UBE2QL1: variants seen among roughly 807,000 people sequenced by gnomAD.
The protein encoded by UBE2QL1 is ubiquitin conjugating enzyme E2 QL1.
UBE2QL1 carries 5 observed loss-of-function variants against 12.6 expected under a neutral mutation model. That is an observed-to-expected ratio of 0.40 (90% CI 0.21 to 0.83). The LOEUF (loss-of-function observed/expected upper bound fraction) is 0.83, where lower values mean the gene tolerates loss of function less well. Among genes scored for constraint, UBE2QL1 ranks in the 40% least tolerant of loss-of-function variants. The probability of loss-of-function intolerance (pLI) is 0.37; values close to 1 mark genes in which losing one functional copy is unlikely to be tolerated. For missense variants in UBE2QL1, 99 were observed against 222.6 expected, an observed-to-expected ratio of 0.44 and a Z score of 3.53; for synonymous variants, 96 against 94.5, an observed-to-expected ratio of 1.02 and a Z score of -0.10.
chr5:6,489,950 T>G (rs1276650631), intron 1 of UBE2QL1, among the ~76,000 whole-genome samples: 1 of 152,250 alleles, frequency 6.6e-6, no homozygotes, highest in Non-Finnish European at 1.5e-5. Context: ...GCAGAGGGTC[T>G]GTTCAGAGAG....
At chr5:6,483,748 C>T (rs181058945) in intron 1 of UBE2QL1, among the ~76,000 whole-genome samples, 139 of 152,216 alleles carry the variant, frequency 9.1e-4, no homozygotes, top group African/African-American at 3.2e-3. Flanking sequence ...GGAGGAGAGT[C>T]GTCATTTCCA....
At chr5:6,475,113 T>C (rs73036272) in intron 1 of UBE2QL1, among the ~76,000 whole-genome samples, 2,736 of 152,334 alleles carry the variant, frequency 0.018, 89 homozygotes, top group African/African-American at 0.062. Context: ...TCTTTAGCTA[T>C]TATGATTCTT....
At position 6,476,677 on chromosome 5, in the gene UBE2QL1, G is replaced by T. The variant is rs1434972855; in HGVS notation, c.355-14541G>T. Among the ~76,000 whole-genome samples, 1 of 152,176 alleles carries T rather than the reference G, an allele frequency of 6.6e-6. No individual in the cohort carries two copies. The highest frequency in any genetic ancestry group is 1.5e-5 in the Non-Finnish European group (1 of 68,024). ...TCTGCGAATGCATGGCAGGTTTGGG[G>T]CAGTACCTTTTGGTTCCTTTCATTG... On this transcript the variant is annotated intron_variant, in intron 1 of 1. Transcript: ENST00000399816. This position sits in a 1 kb window ranked among gnomAD's most constrained non-coding sequence, Gnocchi z 4.9.
At chr5:6,458,629 G>T (rs11956090) in intron 1 of UBE2QL1, among the ~76,000 whole-genome samples, 1,667 of 152,204 alleles carry the variant, frequency 0.011, 26 homozygotes, top group African/African-American at 0.038. Context: ...GTCAGGAATT[G>T]GATATAACTA....
intron 1 of UBE2QL1, among the ~76,000 whole-genome samples, chr5:6,471,511 C>T (rs1322115901): frequency 3.3e-5 from 5 of 152,212 alleles, no homozygotes; most frequent in Non-Finnish European, 4.4e-5. Flanking sequence ...ATGGGCCTCT[C>T]CATGGGGCAG....
Position 6,449,241 on chromosome 5 carries a change from G to A in UBE2QL1, c.348G>A (p.Lys116=), listed in dbSNP as rs1002962627. Reference sequence around the variant, plus strand: ...GCCAGTTCGCAGCCAGCCTGGTCAAGGGCCAGGTAAGGCGAGCGCGCCGGG... The same window carrying A: ...GCCAGTTCGCAGCCAGCCTGGTCAAAGGCCAGGTAAGGCGAGCGCGCCGGG... ...VMRQFAASLV[K]GQGRICRKAG... Residue 116 remains lysine (K), a synonymous_variant, in exon 1 of 2, where the codon AAG becomes AAA. Coordinates refer to ENST00000399816, the MANE Select transcript of UBE2QL1 (RefSeq NM_001145161.3). 29 of 1,424,480 alleles carry A rather than the reference G, an allele frequency of 2.0e-5. No individual in the cohort carries two copies. In the Admixed American group the frequency reaches 3.1e-4, roughly 15 times the overall value. 88.2% of individuals were successfully genotyped at this position (1,424,480 alleles called of 1,614,324 possible).
At chr5:6,452,173 TG>T (rs1335261802) in intron 1 of UBE2QL1, among the ~76,000 whole-genome samples, 7 of 152,212 alleles carry the variant, frequency 4.6e-5, no homozygotes, top group African/African-American at 1.4e-4. Context: ...AAGAGTTTTG[TG>T]TGTAACATAA....
intron 1 of UBE2QL1, among the ~76,000 whole-genome samples, chr5:6,477,151 C>T (rs1489770132): frequency 2.0e-5 from 3 of 152,230 alleles, no homozygotes; most frequent in Non-Finnish European, 2.9e-5. Flanking sequence ...TCAAACAGCC[C>T]ACCTTGTGTG....
At chr5:6,469,621 AATGT>A in intron 1 of UBE2QL1, among the ~76,000 whole-genome samples, 1 of 150,306 alleles carries the variant, frequency 6.7e-6, no homozygotes, top group East Asian at 1.9e-4. Context: ...GTAAAATGAA[AATGT>A]ATGTTTAAAG....
intron 1 of UBE2QL1, among the ~76,000 whole-genome samples, chr5:6,449,523 T>C (rs1011714822): frequency 2.6e-5 from 4 of 151,808 alleles, no homozygotes; most frequent in Non-Finnish European, 5.9e-5. Flanking sequence ...GCCGTCTCTC[T>C]GGTCTCTCTA....
chr5:6,488,961 A>C (rs1734516235), intron 1 of UBE2QL1, among the ~76,000 whole-genome samples: 1 of 152,248 alleles, frequency 6.6e-6, no homozygotes, highest in East Asian at 1.9e-4. Flanking sequence ...TTTATCAAGC[A>C]TAATTACATC....
intron 1 of UBE2QL1, among the ~76,000 whole-genome samples, chr5:6,449,518 C>G (rs1331679075): frequency 6.6e-6 from 1 of 151,560 alleles, no homozygotes; most frequent in East Asian, 1.9e-4. Context: ...TCTCTGCCGT[C>G]TCTCTGGTCT....
At chr5:6,469,504 T>A (rs1021579340) in intron 1 of UBE2QL1, among the ~76,000 whole-genome samples, 27 of 148,042 alleles carry the variant, frequency 1.8e-4, no homozygotes, top group South Asian at 1.3e-3. Flanking sequence ...TATATATTTT[T>A]TATATATATG....
intron 1 of UBE2QL1, among the ~76,000 whole-genome samples, chr5:6,475,596 C>T (rs949523745): frequency 2.7e-5 from 4 of 150,880 alleles, no homozygotes; most frequent in Non-Finnish European, 4.4e-5. Flanking sequence ...ATTTGTAGCA[C>T]ACTGCTGGGT....
intron 1 of UBE2QL1, among the ~76,000 whole-genome samples, chr5:6,459,256 TAAAG>T (rs989742240): frequency 2.0e-5 from 3 of 152,174 alleles, no homozygotes; most frequent in Non-Finnish European, 2.9e-5. Flanking sequence ...TCACAACACT[TAAAG>T]GACATTACCG....
At chr5:6,456,079 G>A (rs987359635) in intron 1 of UBE2QL1, among the ~76,000 whole-genome samples, 1 of 152,168 alleles carries the variant, frequency 6.6e-6, no homozygotes, top group African/African-American at 2.4e-5. Context: ...CGGGAATCGA[G>A]TGCCTCCCGT....
Position 6,467,310 on chromosome 5 carries a change from C to T in UBE2QL1, c.354+18063C>T, listed in dbSNP as rs575291145. Among the ~76,000 whole-genome samples, 21 of 152,188 alleles carry T rather than the reference C, an allele frequency of 1.4e-4. No homozygotes were observed. In the South Asian group the frequency reaches 1.4e-3, roughly 11 times the overall value. ...AGTCCCCACAGGCTGGGGGCTTCAA[C>T]GACAGAAATGCATTCTCTCGCAGAC... is the stretch of plus-strand genomic sequence containing the variant. On this transcript the variant is annotated intron_variant, in intron 1 of 1. Coordinates refer to ENST00000399816, the MANE Select transcript of UBE2QL1 (RefSeq NM_001145161.3).
intron 1 of UBE2QL1, among the ~76,000 whole-genome samples, chr5:6,465,136 G>C (rs568032428): frequency 6.6e-6 from 1 of 151,886 alleles, no homozygotes; most frequent in Non-Finnish European, 1.5e-5. Flanking sequence ...ACAGGTGTGC[G>C]CCACCATGCA....
chr5:6,466,573 G>A (rs892339081), intron 1 of UBE2QL1, among the ~76,000 whole-genome samples: 2 of 152,230 alleles, frequency 1.3e-5, no homozygotes, highest in African/African-American at 4.8e-5. Context: ...AGCACCTATC[G>A]GAGAATGAGG....
Sources: gnomAD v4.1 joint callset for allele counts (sites outside exome capture counted in the v4.1 genomes callset) on GRCh38, gnomAD v4.1.1 for gene constraint, Gnocchi (gnomAD v3.1) non-coding constraint, MANE v1.5 for transcripts, NCBI Gene and HGNC (gene_info 2026-07-23, HGNC 2026-07-21) for gene names.